The following TNR variants were observed in gnomAD, a reference collection of about 807,000 sequenced individuals.
TNR encodes tenascin-R.
TNR carries 45 observed loss-of-function variants against 150.4 expected under a neutral mutation model. The ratio of observed to expected loss-of-function variants is 0.30; its 90% confidence interval spans 0.24 to 0.38. The LOEUF (loss-of-function observed/expected upper bound fraction) is 0.38, where lower values mean the gene tolerates loss of function less well. Ranked by LOEUF, TNR falls within the 10% of genes least tolerant of loss-of-function variation. TNR has a pLI of 1.00. For synonymous variants in TNR, 687 were observed against 678.4 expected (o/e 1.01, Z -0.20); for missense variants, 1,544 against 1,759.1 (o/e 0.88, Z 2.19).
intron 1 of TNR, among the ~76,000 whole-genome samples, chr1:175,731,802 C>A (rs537305097): frequency 6.6e-6 from 1 of 152,296 alleles, no homozygotes; most frequent in East Asian, 1.9e-4. Flanking sequence ...CAACTGTTTC[C>A]GCTCAGCATC....
chr1:175,611,144 C>T (rs1042001260), intron 1 of TNR, among the ~76,000 whole-genome samples: 1 of 152,120 alleles, frequency 6.6e-6, no homozygotes, highest in African/African-American at 2.4e-5. Context: ...AAATTGCAGG[C>T]TAATTTAACC....
At chr1:175,416,329 T>C (rs1397277012) in intron 2 of TNR, among the ~76,000 whole-genome samples, 1 of 152,184 alleles carries the variant, frequency 6.6e-6, no homozygotes, top group Non-Finnish European at 1.5e-5. Context: ...ATCACATTTC[T>C]AGGCTCTCAG....
At chr1:175,380,852 G>A (rs1652641568) in intron 8 of TNR, among the ~76,000 whole-genome samples, 2 of 152,324 alleles carry the variant, frequency 1.3e-5, no homozygotes, top group South Asian at 4.1e-4. Flanking sequence ...TTTAACTTTG[G>A]AGTGAACTAG....
chr1:175,436,557 A>C (rs1401951332), intron 2 of TNR, among the ~76,000 whole-genome samples: 1 of 152,190 alleles, frequency 6.6e-6, no homozygotes, highest in East Asian at 1.9e-4. Flanking sequence ...AAATGGGCTA[A>C]ATGCCCCAAT....
In TNR at chr1:175,454,573, G is replaced by A. The variant is rs533446111; in HGVS notation, c.-63-47796C>T. 2.6e-5 allele frequency among the ~76,000 whole-genome samples: 4 copies of A among 152,304 alleles called. 1 individual carries two copies. Among genetic ancestry groups the A allele is most frequent in the African/African-American group, 9.6e-5 (4 of 41,566 alleles). Reference sequence around the variant, plus strand: ...GCAACCTCCCCTCTCCTGGGTTCAAGCGATTCTCCTGCCTCAGCCTCTGGA... The same window carrying A: ...GCAACCTCCCCTCTCCTGGGTTCAAACGATTCTCCTGCCTCAGCCTCTGGA... On this transcript the variant is annotated intron_variant, in intron 2 of 22. Coordinates refer to ENST00000367674, the MANE Select transcript of TNR (RefSeq NM_003285.3).
intron 1 of TNR, among the ~76,000 whole-genome samples, chr1:175,704,780 T>C (rs774689831): frequency 5.9e-5 from 9 of 152,176 alleles, no homozygotes; most frequent in Admixed American, 1.3e-4. Context: ...TCAAGTAGAT[T>C]AAAAACTATT....
In TNR at chr1:175,499,176, T is replaced by C. The variant is rs144415828; in HGVS notation, c.-64+29093A>G. Among the ~76,000 whole-genome samples the C allele has an allele frequency of 4.3e-3, 656 of 152,336 alleles. 2 individuals carry two copies. The highest frequency in any genetic ancestry group is 0.01 in the Middle Eastern group (3 of 294). On this transcript the variant is annotated intron_variant, in intron 2 of 22. Coordinates refer to ENST00000367674, the MANE Select transcript of TNR (RefSeq NM_003285.3). ...TGTCAGCTCTTCCTTTCCAAATATA[T>C]ACAGAAGAGGCAAAAATATATTGCT...
intron 2 of TNR, among the ~76,000 whole-genome samples, chr1:175,441,068 G>C (rs779003789): frequency 3.3e-5 from 5 of 152,104 alleles, no homozygotes; most frequent in Non-Finnish European, 7.4e-5. Flanking sequence ...AAGAAGCCAG[G>C]TCATCAGCTG....
rs1651331150 is a variant in TNR, at chr1:175,356,407, G to T, written c.3030C>A (p.Asp1010Glu). The change falls in exon 16 of 23, where the codon GAC (aspartate) becomes GAA (glutamate). Residue 1010 changes from aspartate to glutamate, a missense_variant. By Grantham distance (45) the Asp-to-Glu change is conservative. This residue lies in a region of TNR where 1,254 missense variants were observed against 1,329.4 expected (regional missense o/e 0.94). Coordinates refer to ENST00000367674, the MANE Select transcript of TNR (RefSeq NM_003285.3). ...CAGTATAGTGGGTGCTAGGAAGCAG[G>T]TCAACAAGCCGAAATTCCTCACTGA... ...DGVSEEFRLV[D>E]LLPSTHYTAT... The T allele has an allele frequency of 6.2e-7, 1 of 1,613,880 alleles. No homozygotes were observed. Among genetic ancestry groups the T allele is most frequent in the Non-Finnish European group, 8.5e-7 (1 of 1,179,946 alleles).
chr1:175,449,356 C>T (rs187590189), intron 2 of TNR, among the ~76,000 whole-genome samples: 1 of 152,294 alleles, frequency 6.6e-6, no homozygotes, highest in Admixed American at 6.5e-5. Context: ...ACAGAAATTC[C>T]CAGGGTACCA....
At chr1:175,442,258 A>T (rs1358563974) in intron 2 of TNR, among the ~76,000 whole-genome samples, 1 of 152,130 alleles carries the variant, frequency 6.6e-6, no homozygotes, top group Admixed American at 6.5e-5. Context: ...TTGCTGTGAA[A>T]AGCAGGAAGC....
intron 1 of TNR, among the ~76,000 whole-genome samples, chr1:175,657,661 A>G (rs1435545335): frequency 6.7e-6 from 1 of 149,792 alleles, no homozygotes; most frequent in Non-Finnish European, 1.5e-5. Context: ...TCAGCAAACT[A>G]TCACAAGGAC....
chr1:175,471,909 A>C (rs1657310249), intron 2 of TNR, among the ~76,000 whole-genome samples: 1 of 151,868 alleles, frequency 6.6e-6, no homozygotes, highest in Admixed American at 6.6e-5. Context: ...TCTTTTTTAG[A>C]TCCCCATTTC....
At chr1:175,455,614 G>C (rs1444453444) in intron 2 of TNR, among the ~76,000 whole-genome samples, 27 of 152,192 alleles carry the variant, frequency 1.8e-4, no homozygotes, top group Admixed American at 1.8e-3. Context: ...GACTATGTCA[G>C]GGAAGTCTTC....
At chr1:175,534,708 C>T (rs957796377) in intron 1 of TNR, among the ~76,000 whole-genome samples, 3 of 152,166 alleles carry the variant, frequency 2.0e-5, no homozygotes, top group Non-Finnish European at 4.4e-5. Context: ...TCTGGCTTGG[C>T]TTCTGGGCTG....
chr1:175,325,591 C>T (rs1046953953), intron 21 of TNR, among the ~76,000 whole-genome samples: 18 of 152,142 alleles, frequency 1.2e-4, no homozygotes, highest in African/African-American at 4.1e-4. Context: ...CAGCACTATT[C>T]ACAATAGCAA....
Position 175,394,383 on chromosome 1 carries a change from C to T in TNR, c.1241-488G>A, listed in dbSNP as rs539266906. Among the ~76,000 whole-genome samples the T allele has an allele frequency of 2.0e-5, 3 of 152,232 alleles. No individual in the cohort carries two copies. The East Asian group carries it at 5.8e-4, about 29-fold the overall frequency. On this transcript the variant is annotated intron_variant, in intron 5 of 22. Coordinates refer to ENST00000367674, the MANE Select transcript of TNR (RefSeq NM_003285.3). ...AAGCTGGCTAAAGTTGTGGAGCAAA[C>T]CAGTTTCAGAATTAATACTAGAGTG...
chr1:175,705,621 A>G (rs911704369), intron 1 of TNR, among the ~76,000 whole-genome samples: 5 of 151,948 alleles, frequency 3.3e-5, no homozygotes, highest in African/African-American at 4.8e-5. Context: ...GTGTGTGTGT[A>G]TTTGGCTGAA....
At chr1:175,335,909 G>A in intron 19 of TNR, 102 bp from the exon 20 acceptor site, 1 of 1,014,986 alleles carries the variant, frequency 9.9e-7, no homozygotes, top group Non-Finnish European at 1.5e-6. Context: ...GATATAACTG[G>A]GTTTTATATC....
Sources: allele counts gnomAD v4.1 joint callset (sites outside exome capture counted in the v4.1 genomes callset), GRCh38; gene constraint gnomAD v4.1.1; regional missense constraint gnomAD v4.1.1; transcripts MANE v1.5; gene names NCBI Gene and HGNC (gene_info 2026-07-23, HGNC 2026-07-21).